SEMA6A: variants seen among roughly 807,000 people sequenced by gnomAD.
The protein encoded by SEMA6A is semaphorin 6A.
In SEMA6A, 25 loss-of-function variants were observed where a neutral mutation model predicts 96.8. The ratio of observed to expected loss-of-function variants is 0.26; its 90% CI spans 0.19 to 0.36. The LOEUF is 0.36. SEMA6A is among the 10% of genes least tolerant of loss of function. The probability of loss-of-function intolerance (pLI) is 1.00; values close to 1 mark genes in which losing one functional copy is unlikely to be tolerated. For missense variants in SEMA6A, 1,363 were observed against 1,323.1 expected (o/e 1.03, Z -0.47); for synonymous variants, 612 against 518.0 (o/e 1.18, Z -2.46).
chr5:116,480,259 G>C lies in SEMA6A; in HGVS notation c.1113C>G (p.Gly371=). ...TTGCATATCTTTCTAAGGAGGATGA[G>C]CCAGCACAGCAACCTGGCCTAAAAT... ...VPKPRPGCCA[G]SSSLERYATS... The change falls in exon 12 of 19, where the codon GGC becomes GGG. Residue 371 remains glycine (G), a synonymous_variant. Transcript: ENST00000343348. 1 of 1,613,762 alleles carries C rather than the reference G, an allele frequency of 6.2e-7. No homozygotes were observed. The highest frequency in any genetic ancestry group is 8.5e-7 in the Non-Finnish European group (1 of 1,179,740).
At chr5:116,506,843 G>A (rs990167421) in intron 1 of SEMA6A, among the ~76,000 whole-genome samples, 1 of 152,128 alleles carries the variant, frequency 6.6e-6, no homozygotes, top group African/African-American at 2.4e-5. Context: ...GTTTAGAGAT[G>A]TATGTATGCT....
At chr5:116,573,785 C>T (rs1438349165) in intron 1 of SEMA6A, among the ~76,000 whole-genome samples, 3 of 152,100 alleles carry the variant, frequency 2.0e-5, no homozygotes, top group East Asian at 3.9e-4. Context: ...TTCGACACAC[C>T]GGGCCAGGGA....
chr5:116,459,830 A>C (rs1464488548), intron 18 of SEMA6A, among the ~76,000 whole-genome samples: 1 of 152,190 alleles, frequency 6.6e-6, no homozygotes, highest in African/African-American at 2.4e-5. Context: ...AAGCTGTCTG[A>C]ATATCAGGTT....
At chr5:116,528,293 C>G (rs1353757088) in intron 1 of SEMA6A, among the ~76,000 whole-genome samples, 2 of 152,064 alleles carry the variant, frequency 1.3e-5, no homozygotes, top group African/African-American at 4.8e-5. Context: ...TTCTTGCTTA[C>G]AAATATAATG....
At chr5:116,500,679 A>C (rs1426327046) in intron 3 of SEMA6A, among the ~76,000 whole-genome samples, 1 of 151,936 alleles carries the variant, frequency 6.6e-6, no homozygotes, top group Non-Finnish European at 1.5e-5. Context: ...ACTGTTATTT[A>C]CTTGTTCTTT....
intron 1 of SEMA6A, among the ~76,000 whole-genome samples, chr5:116,555,175 T>C (rs1393449283): frequency 1.3e-5 from 2 of 152,204 alleles, no homozygotes; most frequent in Non-Finnish European, 2.9e-5. Flanking sequence ...GTTCCTTATT[T>C]TTGTGAATCA....
chr5:116,473,956 G>C (rs2112672333), intron 16 of SEMA6A, among the ~76,000 whole-genome samples: 1 of 152,254 alleles, frequency 6.6e-6, no homozygotes, highest in Admixed American at 6.5e-5. Flanking sequence ...GCAGATCCAG[G>C]GGCTTGCTTG....
chr5:116,555,740 T>C (rs1760582608), intron 1 of SEMA6A, among the ~76,000 whole-genome samples: 1 of 151,936 alleles, frequency 6.6e-6, no homozygotes, highest in South Asian at 2.1e-4. Flanking sequence ...CTCAGGAGGA[T>C]CACTTGAGCC....
At chr5:116,488,028 T>C (rs1757141994) in intron 9 of SEMA6A, 80 bp downstream of exon 9, 1 of 906,162 alleles carries the variant, frequency 1.1e-6, no homozygotes, top group South Asian at 1.6e-5. Flanking sequence ...CATTTCAAGA[T>C]CATTTATAAC....
rs1385675740 is a variant in SEMA6A at position 116,447,181 on chromosome 5, G to A, written c.2525C>T (p.Ala842Val). The A allele has an allele frequency of 3.1e-6, 5 of 1,613,908 alleles. No homozygotes were observed. The highest frequency in any genetic ancestry group is 3.3e-5 in the Admixed American group (2 of 60,004). Residue 842 changes from alanine to valine, a missense_variant, in exon 19 of 19, where the codon GCG becomes GTG. This residue lies in a region of SEMA6A where 883 missense variants were observed against 763.6 expected (regional missense o/e 1.16). Coordinates refer to ENST00000343348, the MANE Select transcript of SEMA6A (RefSeq NM_020796.5). ...QPKMSEVAQM[A>V]LEDQAATLEY... ...CAGTGTGGCGGCCTGGTCCTCCAGC[G>A]CCATCTGGGCCACCTCGCTCATTTT...
chr5:116,534,565 G>A (rs181965105), intron 1 of SEMA6A, among the ~76,000 whole-genome samples: 184 of 152,298 alleles, frequency 1.2e-3, no homozygotes, highest in African/African-American at 4.1e-3. Context: ...TACTGCCTAG[G>A]ACAGAGCTTC....
intron 1 of SEMA6A, among the ~76,000 whole-genome samples, chr5:116,544,761 C>T (rs1006488601): frequency 6.6e-6 from 1 of 152,188 alleles, no homozygotes; most frequent in African/African-American, 2.4e-5. Context: ...CCTCACCCTC[C>T]ACTGATAGAG....
chr5:116,482,592 C>T lies in SEMA6A; in HGVS notation c.963-17G>A. 3.7e-6 allele frequency: 6 copies of T among 1,612,816 alleles called. No homozygotes were observed. The highest frequency in any genetic ancestry group is 5.1e-6 in the Non-Finnish European group (6 of 1,179,208). On this transcript the variant is annotated splice_polypyrimidine_tract_variant and intron_variant, in intron 10 of 18. Transcript: ENST00000343348. ...CCAGGGATGCTACAACATGATATTT[C>T]ACATCAAGTGTTACTCATGCAATGG...
intron 1 of SEMA6A, among the ~76,000 whole-genome samples, chr5:116,571,111 A>AT (rs1056573223): frequency 1.5e-4 from 22 of 150,786 alleles, no homozygotes; most frequent in African/African-American, 3.1e-4. Context: ...GAAGGCATAT[A>AT]TTTTTTTTTT....
intron 18 of SEMA6A, among the ~76,000 whole-genome samples, chr5:116,457,525 G>A (rs1480918802): frequency 6.6e-6 from 1 of 151,996 alleles, no homozygotes; most frequent in Non-Finnish European, 1.5e-5. Context: ...AAAAATAATT[G>A]GAGTGGAAAA....
intron 1 of SEMA6A, among the ~76,000 whole-genome samples, chr5:116,529,164 A>T (rs565257131): frequency 0.015 from 2,314 of 152,302 alleles, 62 homozygotes; most frequent in African/African-American, 0.048. Context: ...TTAACCAAAT[A>T]TTTTATATTC....
intron 18 of SEMA6A, among the ~76,000 whole-genome samples, chr5:116,466,378 CAAA>C (rs536164347): frequency 3.1e-5 from 2 of 63,920 alleles, no homozygotes; most frequent in Non-Finnish European, 3.3e-5. Flanking sequence ...GACTCCATCT[CAAA>C]AAAAAAAAAA....
intron 1 of SEMA6A, among the ~76,000 whole-genome samples, chr5:116,553,352 T>A (rs1289425345): frequency 6.6e-6 from 1 of 152,146 alleles, no homozygotes; most frequent in Non-Finnish European, 1.5e-5. Flanking sequence ...AAACACACCA[T>A]CACAACCACA....
chr5:116,560,613 G>A (rs1221944192), intron 1 of SEMA6A, among the ~76,000 whole-genome samples: 1 of 151,966 alleles, frequency 6.6e-6, no homozygotes, highest in Non-Finnish European at 1.5e-5. Flanking sequence ...GGATATTCCT[G>A]ACAGAGTATC....
Sources: allele counts gnomAD v4.1 joint callset (sites outside exome capture counted in the v4.1 genomes callset), GRCh38; gene constraint gnomAD v4.1.1; regional missense constraint gnomAD v4.1.1; transcripts MANE v1.5; gene names NCBI Gene and HGNC (gene_info 2026-07-23, HGNC 2026-07-21).